The following CCDC134 variants were observed in gnomAD, a reference collection of about 807,000 sequenced individuals.
The protein encoded by CCDC134 is coiled-coil domain-containing protein 134.
A neutral mutation model predicts 25.6 loss-of-function variants in CCDC134; 27 were observed. The ratio of observed to expected loss-of-function variants is 1.05; its 90% CI spans 0.78 to 1.45. CCDC134 has a LOEUF of 1.45. Ranked by LOEUF, CCDC134 falls within the 40% of genes most tolerant of loss-of-function variation. CCDC134 has a pLI of 0.00. For synonymous variants in CCDC134, 110 were observed against 115.0 expected (o/e 0.96, Z 0.28); for missense variants, 261 against 286.7 (o/e 0.91, Z 0.65).
At chr22:41,805,837 T>C (rs1021935991) in intron 1 of CCDC134, among the ~76,000 whole-genome samples, 7 of 152,140 alleles carry the variant, frequency 4.6e-5, no homozygotes, top group African/African-American at 1.2e-4. Flanking sequence ...CACAGGATGT[T>C]GAGGTAGGAG....
intron 1 of CCDC134, among the ~76,000 whole-genome samples, chr22:41,807,935 C>T (rs759685587): frequency 9.2e-5 from 14 of 151,868 alleles, no homozygotes; most frequent in South Asian, 2.1e-4. Flanking sequence ...ACAAGGCAGG[C>T]GGATCACCTG....
chr22:41,817,251 A>G (rs1302231225), intron 6 of CCDC134, among the ~76,000 whole-genome samples: 2 of 152,148 alleles, frequency 1.3e-5, no homozygotes, highest in Non-Finnish European at 2.9e-5. Flanking sequence ...GTATGTTACC[A>G]TGCCAAGTAG....
At chr22:41,821,216 T>C (rs1408534433) in intron 6 of CCDC134, among the ~76,000 whole-genome samples, 1 of 152,016 alleles carries the variant, frequency 6.6e-6, no homozygotes, top group Non-Finnish European at 1.5e-5. Context: ...AAAGCTGCTT[T>C]GAGGGGGTCC....
intron 6 of CCDC134, among the ~76,000 whole-genome samples, chr22:41,819,115 T>A (rs189582801): frequency 6.6e-6 from 1 of 151,910 alleles, no homozygotes; most frequent in Non-Finnish European, 1.5e-5. Flanking sequence ...CGTGGACTTG[T>A]CTCTCGCAGG....
intron 1 of CCDC134, among the ~76,000 whole-genome samples, chr22:41,806,921 A>G (rs2076570267): frequency 6.6e-6 from 1 of 152,054 alleles, no homozygotes; most frequent in Non-Finnish European, 1.5e-5. Flanking sequence ...GTGGCAGGCA[A>G]CTGTAATCCC....
rs2076694186 is a variant in CCDC134 at position 41,829,311 on chromosome 22, ACT to A, written c.*3495_*3496del. The stretch of plus-strand genomic sequence containing the variant: ...GTTCTCTGCTGTCAAGTCTGAGCTG[ACT>A]CTCTCTTCCGGATTCTTCTTTCCTC... On this transcript the variant is annotated 3_prime_UTR_variant, in exon 7 of 7. Transcript: ENST00000255784. 6.6e-6 allele frequency among the ~76,000 whole-genome samples: 1 copy of A among 151,534 alleles called. No individual in the cohort carries two copies. The highest frequency in any genetic ancestry group is 6.6e-5 in the Admixed American group (1 of 15,186).
chr22:41,811,068 T>G (rs1415344885), intron 4 of CCDC134, among the ~76,000 whole-genome samples: 1 of 152,018 alleles, frequency 6.6e-6, no homozygotes, highest in African/African-American at 2.4e-5. Context: ...ATCTTTGGAG[T>G]CTACTTATCT....
rs1353676300 is a variant in CCDC134 at position 41,813,386 on chromosome 22, A to G, written c.433A>G (p.Ser145Gly). The G allele has an allele frequency of 1.2e-6, 2 of 1,614,180 alleles. No homozygotes were observed. The highest frequency in any genetic ancestry group is 1.7e-6 in the Non-Finnish European group (2 of 1,180,038). Residue 145 changes from serine (S) to glycine (G), a missense_variant, in exon 5 of 7, where the codon AGT becomes GGT. Transcript: ENST00000255784. Reference protein sequence around the residue: ...NWNLLIRWGISFCNQTGVFNQ... With the variant: ...NWNLLIRWGIGFCNQTGVFNQ... Reference sequence around the variant, plus strand: ...GAACCTCCTCATCCGCTGGGGTATCAGTTTCTGCAACCAGACAGGCGTCTT... The same window carrying G: ...GAACCTCCTCATCCGCTGGGGTATCGGTTTCTGCAACCAGACAGGCGTCTT...
chr22:41,813,507 C>T lies in CCDC134; in HGVS notation c.492+62C>T, dbSNP rs542697204. 103 of 1,566,956 alleles carry T rather than the reference C, an allele frequency of 6.6e-5. 1 individual carries two copies. In the South Asian group the frequency reaches 1.1e-3, roughly 17 times the overall value. On this transcript the variant is annotated intron_variant, in intron 5 of 6. Coordinates refer to ENST00000255784, the MANE Select transcript of CCDC134 (RefSeq NM_024821.5). ...GTCGGGTAGTGGACTAGGATCCTCACATCTGCCTTCAGTTGGGCCTGAACG... is the reference window on the plus strand; with the variant it reads ...GTCGGGTAGTGGACTAGGATCCTCATATCTGCCTTCAGTTGGGCCTGAACG...
chr22:41,802,822 G>A (rs1178149844), intron 1 of CCDC134, among the ~76,000 whole-genome samples: 1 of 151,978 alleles, frequency 6.6e-6, no homozygotes. Flanking sequence ...GCTGAGGCAG[G>A]AGAATGGCGT....
intron 1 of CCDC134, among the ~76,000 whole-genome samples, chr22:41,801,849 T>C (rs1264466794): frequency 2.0e-5 from 3 of 152,198 alleles, no homozygotes; most frequent in Non-Finnish European, 4.4e-5. Flanking sequence ...TGACAATATG[T>C]GTGCCATAGT....
At chr22:41,819,121 G>A (rs777280590) in intron 6 of CCDC134, among the ~76,000 whole-genome samples, 4 of 152,080 alleles carry the variant, frequency 2.6e-5, no homozygotes, top group East Asian at 3.9e-4. Context: ...CTTGTCTCTC[G>A]CAGGAGCCCC....
intron 2 of CCDC134, among the ~76,000 whole-genome samples, chr22:41,809,285 C>T (rs1354481271): frequency 6.6e-6 from 1 of 152,210 alleles, no homozygotes; most frequent in Non-Finnish European, 1.5e-5. Context: ...TTCTGGATTA[C>T]TGGCCCATCT....
chr22:41,806,970 C>T (rs2076570525), intron 1 of CCDC134, among the ~76,000 whole-genome samples: 1 of 152,100 alleles, frequency 6.6e-6, no homozygotes, highest in African/African-American at 2.4e-5. Flanking sequence ...ATCGCTTGAA[C>T]CCAGGAAGCG....
In CCDC134 at chr22:41,830,635, C is replaced by T. The variant is rs575677498; in HGVS notation, c.*4812C>T. Among the ~76,000 whole-genome samples, 18 of 152,248 alleles carry T rather than the reference C, an allele frequency of 1.2e-4. No individual in the cohort carries two copies. Among genetic ancestry groups the T allele is most frequent in the Admixed American group, 5.2e-4 (8 of 15,304 alleles). On this transcript the variant is annotated 3_prime_UTR_variant, in exon 7 of 7. Coordinates refer to ENST00000255784, the MANE Select transcript of CCDC134 (RefSeq NM_024821.5). Reference sequence around the variant, plus strand: ...CAGCCTCCCTGTGTGTGAACAATGACGAGAACAATGTTGTCTTGCTTTCCC... The same window carrying T: ...CAGCCTCCCTGTGTGTGAACAATGATGAGAACAATGTTGTCTTGCTTTCCC...
intron 1 of CCDC134, among the ~76,000 whole-genome samples, chr22:41,806,026 GT>G (rs1449290877): frequency 6.6e-6 from 1 of 152,036 alleles, no homozygotes; most frequent in Non-Finnish European, 1.5e-5. Context: ...CTTCATTAGA[GT>G]TCTGAAAATT....
In CCDC134 at chr22:41,831,189, CTTTG is replaced by C. The variant is rs2076706836; in HGVS notation, c.*5368_*5371del. 1 of 151,778 alleles carries C rather than the reference CTTTG, an allele frequency of 6.6e-6. No homozygotes were observed. The highest frequency in any genetic ancestry group is 1.5e-5 in the Non-Finnish European group (1 of 68,000). The allele number at this position is 151,778 out of a possible 1,614,324, so 9.4% of individuals were successfully genotyped here. On this transcript the variant is annotated 3_prime_UTR_variant, in exon 7 of 7. Coordinates refer to ENST00000255784, the MANE Select transcript of CCDC134 (RefSeq NM_024821.5). ...GCGTGAGCCACCTTGCCCGGACTCT[CTTTG>C]TATTTTTTCTTTCTTTTTTTTGAGA...
intron 6 of CCDC134, among the ~76,000 whole-genome samples, chr22:41,824,145 C>T (rs2076665048): frequency 6.6e-6 from 1 of 152,134 alleles, no homozygotes; most frequent in Non-Finnish European, 1.5e-5. Flanking sequence ...AAGAAGGAAT[C>T]AGCACAAAGT....
chr22:41,829,911 C>T lies in CCDC134; in HGVS notation c.*4088C>T, dbSNP rs2076697273. On this transcript the variant is annotated 3_prime_UTR_variant, in exon 7 of 7. Coordinates refer to ENST00000255784, the MANE Select transcript of CCDC134 (RefSeq NM_024821.5). ...GCCTCAGCCTCCTGAGTAGCTAGGA[C>T]TACAGGTGCTTGCCACCATGACCAG... Among the ~76,000 whole-genome samples the T allele has an allele frequency of 6.6e-6, 1 of 152,058 alleles. No homozygotes were observed. The highest frequency in any genetic ancestry group is 2.4e-5 in the African/African-American group (1 of 41,402).
Sources: allele counts gnomAD v4.1 joint callset (sites outside exome capture counted in the v4.1 genomes callset), GRCh38; gene constraint gnomAD v4.1.1; transcripts MANE v1.5; gene names NCBI Gene and HGNC (gene_info 2026-07-23, HGNC 2026-07-21).